The following ELF1 variants were observed in gnomAD, a reference collection of about 807,000 sequenced individuals.
ELF1 encodes the protein ETS-related transcription factor Elf-1.
In ELF1, 24 loss-of-function variants were observed where a neutral mutation model predicts 59.9. The observed-to-expected ratio is 0.40, with a 90% CI of 0.29 to 0.56. The LOEUF is 0.56. ELF1 is among the 20% of genes least tolerant of loss of function. The probability of loss-of-function intolerance (pLI) is 0.44; values close to 1 mark genes in which losing one functional copy is unlikely to be tolerated. For synonymous variants in ELF1, 248 were observed against 266.2 expected, an observed-to-expected ratio of 0.93 and a Z score of 0.67; for missense variants, 627 against 742.2, an observed-to-expected ratio of 0.84 and a Z score of 1.80.
intron 1 of ELF1, among the ~76,000 whole-genome samples, chr13:41,009,317 C>T (rs1170491889): frequency 6.6e-6 from 1 of 150,674 alleles, no homozygotes; most frequent in African/African-American, 2.4e-5. Context: ...AGAACTGCTA[C>T]ACAATCACAA....
At chr13:41,018,966 C>T (rs887794088) in intron 1 of ELF1, among the ~76,000 whole-genome samples, 6 of 152,062 alleles carry the variant, frequency 3.9e-5, no homozygotes, top group Admixed American at 2.0e-4. Context: ...AACAAAAAAC[C>T]TCTTTTATTC....
At chr13:41,043,684 A>T (rs1236261535) in intron 1 of ELF1, among the ~76,000 whole-genome samples, 1 of 152,194 alleles carries the variant, frequency 6.6e-6, no homozygotes, top group Non-Finnish European at 1.5e-5. Context: ...TAGCAATACC[A>T]TGCTGTTTTG....
chr13:41,005,959 A>T (rs555944890), intron 1 of ELF1, among the ~76,000 whole-genome samples: 1 of 152,310 alleles, frequency 6.6e-6, no homozygotes, highest in Non-Finnish European at 1.5e-5. Flanking sequence ...AGTTGCCACA[A>T]TTACAATTCC....
chr13:40,950,825 A>C (rs1454443106), intron 4 of ELF1, among the ~76,000 whole-genome samples: 1 of 152,252 alleles, frequency 6.6e-6, no homozygotes, highest in African/African-American at 2.4e-5. Context: ...GAATATAGCA[A>C]ATATTGAATA....
Position 40,946,464 on chromosome 13 carries a change from T to G in ELF1, c.530-2539A>C, listed in dbSNP as rs1172217763. The stretch of plus-strand genomic sequence containing the variant: ...CTGTTTCCTGTCATTATAGATTAGT[T>G]GGTAGTTTCTAGAGCTTTATATAAA... On this transcript the variant is annotated intron_variant, in intron 5 of 8. Coordinates refer to ENST00000239882, the MANE Select transcript of ELF1 (RefSeq NM_172373.4). Among the ~76,000 whole-genome samples, 4 of 152,214 alleles carry G rather than the reference T, an allele frequency of 2.6e-5. No individual in the cohort carries two copies. The South Asian group carries it at 6.2e-4, about 24-fold the overall frequency.
At position 40,941,220 on chromosome 13, in the gene ELF1, G is replaced by A; in HGVS notation, c.957C>T (p.Ala319=). The change falls in exon 8 of 9, where the codon GCC becomes GCT. Residue 319 remains alanine (A), a synonymous_variant. Transcript: ENST00000239882. The part of the protein sequence containing the change: ...ESSDPSLSSS[A]TSNRNQTSRS... ...GGCTGGTTTGATTCCTATTTGAAGTGGCTGATGAAGATAGCGATGGATCTG... is the reference window on the plus strand; with the variant it reads ...GGCTGGTTTGATTCCTATTTGAAGTAGCTGATGAAGATAGCGATGGATCTG... 1.2e-6 allele frequency: 2 copies of A among 1,614,104 alleles called. No individual in the cohort carries two copies. Among genetic ancestry groups the A allele is most frequent in the Non-Finnish European group, 1.7e-6 (2 of 1,180,018 alleles).
At chr13:40,973,284 T>C (rs1872692483) in intron 2 of ELF1, among the ~76,000 whole-genome samples, 1 of 152,176 alleles carries the variant, frequency 6.6e-6, no homozygotes, top group Admixed American at 6.5e-5. Context: ...AGCTTACAAA[T>C]GTTTTACCAG....
At chr13:40,984,425 G>A (rs1214409342) in intron 1 of ELF1, among the ~76,000 whole-genome samples, 1 of 152,114 alleles carries the variant, frequency 6.6e-6, no homozygotes, top group East Asian at 1.9e-4. Flanking sequence ...TTAGTTGGCT[G>A]TGTTGGTGTG....
In ELF1 at chr13:40,932,826, C is replaced by G. The variant is rs1186252297; in HGVS notation, c.*599G>C. ...ATTACATAGCTAGTTAGTGGGAGTG[C>G]CATTCTTAGGCTGATGCTTTTATAC... On this transcript the variant is annotated 3_prime_UTR_variant, in exon 9 of 9. Transcript: ENST00000239882. The G allele has an allele frequency of 6.6e-6, 1 of 152,412 alleles. No individual in the cohort carries two copies. The highest frequency in any genetic ancestry group is 2.4e-5 in the African/African-American group (1 of 41,420). 9.4% of individuals were successfully genotyped at this position (152,412 alleles called of 1,614,324 possible).
In ELF1 at chr13:40,949,813, C is replaced by A. The variant is rs1235082709; in HGVS notation, c.522G>T (p.Arg174Ser). Residue 174 changes from arginine to serine, a missense_variant, in exon 5 of 9, where the codon AGG (arginine) becomes AGT (serine). Coordinates refer to ENST00000239882, the MANE Select transcript of ELF1 (RefSeq NM_172373.4). ...PGASSPEQPK[R>S]KKGRKTKPPR... ...ACAAAGTAACCCACCTACCTTTTTT[C>A]CTCTTAGGCTGTTCTGGTGATGAGG... 2 of 1,608,938 alleles carry A rather than the reference C, an allele frequency of 1.2e-6. No individual in the cohort carries two copies. The highest frequency in any genetic ancestry group is 2.2e-5 in the South Asian group (2 of 89,834).
intron 1 of ELF1, among the ~76,000 whole-genome samples, chr13:41,004,393 C>T (rs1874631076): frequency 6.6e-6 from 1 of 151,654 alleles, no homozygotes; most frequent in Admixed American, 6.6e-5. Flanking sequence ...CAAAGGTGAC[C>T]CTAAAAGTTA....
At chr13:41,011,760 CAG>C (rs1327295914) in intron 1 of ELF1, among the ~76,000 whole-genome samples, 7 of 151,878 alleles carry the variant, frequency 4.6e-5, no homozygotes, top group Non-Finnish European at 8.8e-5. Flanking sequence ...TTAACTGATG[CAG>C]AGTTTTCATT....
chr13:40,943,230 C>T (rs1870296613), intron 6 of ELF1, 86 bp from the exon 7 acceptor site: 2 of 1,158,632 alleles, frequency 1.7e-6, no homozygotes, highest in Non-Finnish European at 2.3e-6. Flanking sequence ...TTAGAAGTGC[C>T]ATTTATATTT....
chr13:41,040,716 G>A lies in ELF1; in HGVS notation c.-229+20122C>T, dbSNP rs1430459166. Among the ~76,000 whole-genome samples, 3 of 152,170 alleles carry A rather than the reference G, an allele frequency of 2.0e-5. No homozygotes were observed. The East Asian group carries it at 5.8e-4, about 29-fold the overall frequency. ...CTCAGACAGTAATGCTCGCTCATCT[G>A]CTGCTCATCTCTTGCTGTGCCGCCT... On this transcript the variant is annotated intron_variant, in intron 1 of 1. Coordinates refer to the ELF1 transcript ENST00000405737.
intron 2 of ELF1, among the ~76,000 whole-genome samples, chr13:40,975,084 A>C (rs1372630928): frequency 6.6e-6 from 1 of 152,242 alleles, no homozygotes; most frequent in African/African-American, 2.4e-5. Context: ...AGGCAACCAA[A>C]GCAGATAGAA....
intron 2 of ELF1, among the ~76,000 whole-genome samples, chr13:40,967,630 T>C (rs992328154): frequency 2.0e-5 from 3 of 152,306 alleles, no homozygotes; most frequent in African/African-American, 7.2e-5. Flanking sequence ...TCTTGCTCTG[T>C]CGCCTCGCTG....
chr13:40,978,248 C>A (rs752687810), intron 2 of ELF1, among the ~76,000 whole-genome samples: 2 of 151,612 alleles, frequency 1.3e-5, no homozygotes, highest in Non-Finnish European at 2.9e-5. Flanking sequence ...CGTGGTGGTG[C>A]GTGTCTGTAG....
At chr13:40,940,801 A>T in intron 8 of ELF1, 120 bp downstream of exon 8, 1 of 1,183,648 alleles carries the variant, frequency 8.4e-7, no homozygotes, top group Non-Finnish European at 1.1e-6. Flanking sequence ...GTAACCAAGA[A>T]TTCTAGCTTG....
chr13:40,956,571 C>CAAT (rs1871450835), intron 3 of ELF1, among the ~76,000 whole-genome samples: 1 of 76,144 alleles, frequency 1.3e-5, no homozygotes, highest in African/African-American at 4.6e-5. Flanking sequence ...CAAGAATGAT[C>CAAT]AAAAAAAAAA....
Sources: allele counts gnomAD v4.1 joint callset (sites outside exome capture counted in the v4.1 genomes callset), GRCh38; gene constraint gnomAD v4.1.1; transcripts MANE v1.5; gene names NCBI Gene and HGNC (gene_info 2026-07-23, HGNC 2026-07-21).